The following PHKB variants were observed in gnomAD, a reference collection of about 807,000 sequenced individuals.
PHKB encodes phosphorylase b kinase regulatory subunit beta.
PHKB carries 122 observed loss-of-function variants against 152.1 expected under a neutral mutation model. The ratio of observed to expected loss-of-function variants is 0.80; its 90% CI spans 0.69 to 0.93. PHKB has a LOEUF of 0.93. Ranked by LOEUF, PHKB falls within the 40% of genes least tolerant of loss-of-function variation. The pLI is 0.00. For synonymous variants in PHKB, 436 were observed against 464.9 expected (o/e 0.94, Z 0.80); for missense variants, 1,304 against 1,328.4 (o/e 0.98, Z 0.29).
At chr16:47,589,210 T>C in intron 10 of PHKB, 108 bp downstream of exon 10, 1 of 762,598 alleles carries the variant, frequency 1.3e-6, no homozygotes, top group Non-Finnish European at 2.2e-6. Flanking sequence ...ACTAGCTATG[T>C]GGCCCTGGGC....
At chr16:47,463,984 T>C (rs1567267173) in intron 1 of PHKB, 1 of 1,611,326 alleles carries the variant, frequency 6.2e-7, no homozygotes, top group Non-Finnish European at 8.5e-7. Flanking sequence ...TTCCGCTTTC[T>C]TAAGGTCTGG....
intron 9 of PHKB, among the ~76,000 whole-genome samples, 169 bp from the exon 10 acceptor site, chr16:47,588,736 G>A (rs1168127206): frequency 6.6e-6 from 1 of 152,176 alleles, no homozygotes; most frequent in African/African-American, 2.4e-5. Flanking sequence ...TATCTCCTCT[G>A]TAAGGTTTCC....
intron 8 of PHKB, among the ~76,000 whole-genome samples, chr16:47,587,409 A>T (rs1417738620): frequency 1.3e-5 from 2 of 152,206 alleles, no homozygotes; most frequent in Non-Finnish European, 2.9e-5. Flanking sequence ...CTATCTTGTA[A>T]TCAGTACATT....
intron 7 of PHKB, among the ~76,000 whole-genome samples, chr16:47,568,539 T>C (rs1380985867): frequency 6.6e-6 from 1 of 152,204 alleles, no homozygotes; most frequent in Non-Finnish European, 1.5e-5. Context: ...AGTTCTACTC[T>C]GATCTCTCTT....
At chr16:47,482,266 G>A (rs898807773) in intron 1 of PHKB, among the ~76,000 whole-genome samples, 2 of 152,172 alleles carry the variant, frequency 1.3e-5, no homozygotes, top group African/African-American at 4.8e-5. Flanking sequence ...GTTTCACTTA[G>A]CCAATAAACA....
rs1266231770 is a variant in PHKB at position 47,506,039 on chromosome 16, AAAAAAAG to A, written c.405+2965_405+2971del. The stretch of plus-strand genomic sequence containing the variant: ...GGGGAAACTGTCTCAAAAAAAAAAA[AAAAAAAG>A]AAAAAAGAAAAAAGAGAAAATAATA... On this transcript the variant is annotated intron_variant, in intron 4 of 30. Transcript: ENST00000323584. Among the ~76,000 whole-genome samples, 805 of 150,872 alleles carry A rather than the reference AAAAAAAG, an allele frequency of 5.3e-3. 2 individuals carry two copies. The highest frequency in any genetic ancestry group is 0.01 in the Middle Eastern group (3 of 292).
At chr16:47,488,960 T>C (rs1398372949) in intron 1 of PHKB, among the ~76,000 whole-genome samples, 4 of 152,250 alleles carry the variant, frequency 2.6e-5, no homozygotes, top group Non-Finnish European at 4.4e-5. Flanking sequence ...TAAAAAAATT[T>C]TTTTTTCTAT....
chr16:47,461,491 T>C, intron 1 of PHKB, 65 bp downstream of exon 1: 1 of 1,540,372 alleles, frequency 6.5e-7, no homozygotes, highest in Non-Finnish European at 9.0e-7. Flanking sequence ...CTCAAGCGCC[T>C]TGGCGGGAGG....
At chr16:47,664,701 T>A (rs1374893632) in intron 24 of PHKB, 184 bp from the exon 25 acceptor site, 1 of 606,428 alleles carries the variant, frequency 1.6e-6, no homozygotes. Context: ...AAGTTTCAAG[T>A]GTGGTCTGTA....
At chr16:47,658,593 T>C (rs944642462) in intron 20 of PHKB, among the ~76,000 whole-genome samples, 7 of 152,192 alleles carry the variant, frequency 4.6e-5, no homozygotes, top group African/African-American at 1.4e-4. Flanking sequence ...ACCTTTTCTA[T>C]CTTTAGATAC....
intron 4 of PHKB, among the ~76,000 whole-genome samples, chr16:47,510,411 A>G (rs1047340289): frequency 1.3e-5 from 2 of 152,172 alleles, no homozygotes; most frequent in African/African-American, 4.8e-5. Context: ...CTAGGGACCT[A>G]TCAAGAGTCA....
intron 7 of PHKB, among the ~76,000 whole-genome samples, chr16:47,558,546 TTTTG>T (rs1211776941): frequency 6.6e-6 from 1 of 152,184 alleles, no homozygotes; most frequent in Non-Finnish European, 1.5e-5. Context: ...TGTTTCTGTC[TTTTG>T]TTTGTTTTTG....
chr16:47,525,934 ACTTT>A (rs1474894415), intron 6 of PHKB, among the ~76,000 whole-genome samples: 7 of 152,148 alleles, frequency 4.6e-5, no homozygotes, highest in Non-Finnish European at 8.8e-5. Flanking sequence ...TAATTTGAGT[ACTTT>A]CTGTGGCTCC....
intron 1 of PHKB, among the ~76,000 whole-genome samples, chr16:47,489,306 G>A (rs532665928): frequency 6.6e-6 from 1 of 152,252 alleles, no homozygotes; most frequent in Admixed American, 6.5e-5. Flanking sequence ...ACTCCAGTGA[G>A]TTTAGAATTT....
intron 1 of PHKB, among the ~76,000 whole-genome samples, chr16:47,469,790 A>G (rs934808379): frequency 6.6e-6 from 1 of 152,194 alleles, no homozygotes; most frequent in African/African-American, 2.4e-5. Flanking sequence ...AATAAACAAA[A>G]TGTTTTTCCC....
intron 22 of PHKB, 109 bp downstream of exon 22, chr16:47,660,928 C>G: frequency 9.0e-7 from 1 of 1,107,560 alleles, no homozygotes. Flanking sequence ...AGCAATTAAT[C>G]TGGAGGTGGA....
chr16:47,478,043 G>A lies in PHKB; in HGVS notation c.76+16617G>A, dbSNP rs564724827. The stretch of plus-strand genomic sequence containing the variant: ...AGCTTCCTAAATCTTGCCATCTAGA[G>A]TAAGTTTCAGAATAAGAAGTGATAT... On this transcript the variant is annotated intron_variant, in intron 1 of 30. Transcript: ENST00000323584. Among the ~76,000 whole-genome samples, 10 of 152,206 alleles carry A rather than the reference G, an allele frequency of 6.6e-5. No homozygotes were observed. In the South Asian group the frequency reaches 8.3e-4, roughly 13 times the overall value.
In PHKB at chr16:47,669,533, C is replaced by T. The variant is rs544660925; in HGVS notation, c.2630+116C>T. ...TGTCTGGTGAGTATTCAGCAAAGAG[C>T]ACCTGTCCTCTAAGCCATGCAGGCA... On this transcript the variant is annotated intron_variant, in intron 26 of 30. Transcript: ENST00000323584. 6.9e-5 allele frequency: 60 copies of T among 874,164 alleles called. No homozygotes were observed. In the African/African-American group the frequency reaches 7.7e-4, roughly 11 times the overall value. The allele number at this position is 874,164 out of a possible 1,614,324, so 54.2% of individuals were successfully genotyped here. A position where few individuals can be genotyped will look rare whatever the true frequency, so the allele number is the denominator to read the frequency against.
chr16:47,676,971 T>A (rs1439119098), intron 26 of PHKB, among the ~76,000 whole-genome samples: 2 of 152,252 alleles, frequency 1.3e-5, no homozygotes, highest in Non-Finnish European at 2.9e-5. Flanking sequence ...CTGTAAGCAA[T>A]TATGATCCAG....
Sources: gnomAD v4.1 joint callset for allele counts (sites outside exome capture counted in the v4.1 genomes callset) on GRCh38, gnomAD v4.1.1 for gene constraint, MANE v1.5 for transcripts, NCBI Gene and HGNC (gene_info 2026-07-23, HGNC 2026-07-21) for gene names.